Variants in SORCS3 observed in about 807,000 individuals in gnomAD.
SORCS3 encodes sortilin related VPS10 domain containing receptor 3, also known as VPS10 domain-containing receptor SorCS3.
Under a neutral mutation model 146.3 loss-of-function variants are expected in SORCS3, and 57 were observed. That is an observed-to-expected ratio of 0.39 (90% confidence interval 0.31 to 0.49). SORCS3 has a LOEUF of 0.49. SORCS3 is among the 20% of genes least tolerant of loss of function. SORCS3 has a pLI of 0.92. For synonymous variants in SORCS3, 653 were observed against 618.5 expected (o/e 1.06, Z -0.83); for missense variants, 1,341 against 1,575.5 (o/e 0.85, Z 2.52).
At chr10:104,921,137 G>C (rs1359520921) in intron 3 of SORCS3, among the ~76,000 whole-genome samples, 2 of 152,166 alleles carry the variant, frequency 1.3e-5, no homozygotes, top group East Asian at 3.9e-4. Context: ...CCTTCCCCTT[G>C]CATGAGATAA....
chr10:105,077,432 A>G (rs1273240743), intron 5 of SORCS3, among the ~76,000 whole-genome samples: 1 of 152,026 alleles, frequency 6.6e-6, no homozygotes, highest in African/African-American at 2.4e-5. Context: ...ATAACTATCC[A>G]GGTGTCATTA....
At chr10:104,870,315 A>G (rs1471138881) in intron 2 of SORCS3, among the ~76,000 whole-genome samples, 1 of 152,232 alleles carries the variant, frequency 6.6e-6, no homozygotes, top group Non-Finnish European at 1.5e-5. Flanking sequence ...TTAGTAAATG[A>G]CAATGAGTAG....
intron 9 of SORCS3, among the ~76,000 whole-genome samples, chr10:105,148,148 T>A (rs1301781718): frequency 2.0e-5 from 3 of 152,114 alleles, no homozygotes; most frequent in African/African-American, 7.2e-5. Flanking sequence ...GTGTTGCTTT[T>A]GTGGACCCTG....
At chr10:105,150,933 A>G (rs1046068538) in intron 9 of SORCS3, among the ~76,000 whole-genome samples, 8 of 152,298 alleles carry the variant, frequency 5.3e-5, no homozygotes, top group Admixed American at 3.9e-4. Flanking sequence ...CTGGACTCCA[A>G]GTGCCCTTGA....
At chr10:104,844,972 C>T (rs1240560773) in intron 2 of SORCS3, among the ~76,000 whole-genome samples, 1 of 152,196 alleles carries the variant, frequency 6.6e-6, no homozygotes, top group East Asian at 1.9e-4. Context: ...GTCTGTTTCT[C>T]TGCATATAAA....
Position 105,086,664 on chromosome 10 carries a change from C to T in SORCS3, c.1029-3111C>T, listed in dbSNP as rs140886552. On this transcript the variant is annotated intron_variant, in intron 5 of 26. Transcript: ENST00000369701. Reference sequence around the variant, plus strand: ...GTATTTATTGACCACAATCAGGCTTCGTCAGTATGGTGCCAATTCTCTGAA... The same window carrying T: ...GTATTTATTGACCACAATCAGGCTTTGTCAGTATGGTGCCAATTCTCTGAA... 3.0e-3 allele frequency among the ~76,000 whole-genome samples: 455 copies of T among 152,268 alleles called. 1 individual carries two copies. The highest frequency in any genetic ancestry group is 5.4e-3 in the Non-Finnish European group (366 of 68,020).
At chr10:105,200,666 T>G (rs1364965282) in intron 15 of SORCS3, among the ~76,000 whole-genome samples, 3 of 152,188 alleles carry the variant, frequency 2.0e-5, no homozygotes, top group Non-Finnish European at 4.4e-5. Context: ...GACTGGGAAT[T>G]AAGATTTGGG....
At chr10:104,800,600 G>A (rs552657420) in intron 1 of SORCS3, among the ~76,000 whole-genome samples, 1 of 152,172 alleles carries the variant, frequency 6.6e-6, no homozygotes, top group South Asian at 2.1e-4. Flanking sequence ...GGGGGTAGAT[G>A]GGATATCTCT....
intron 2 of SORCS3, among the ~76,000 whole-genome samples, chr10:104,909,526 C>T (rs985500710): frequency 3.9e-5 from 6 of 152,030 alleles, no homozygotes; most frequent in Non-Finnish European, 7.4e-5. Context: ...GGTTAATGAT[C>T]CTTAATTTTG....
At chr10:105,213,027 T>G (rs72817798) in intron 17 of SORCS3, among the ~76,000 whole-genome samples, 7,183 of 152,264 alleles carry the variant, frequency 0.047, 297 homozygotes, top group Admixed American at 0.13. Flanking sequence ...TTCCAAAATA[T>G]TATCATTTCA....
At chr10:105,118,993 T>G (rs566255717) in intron 7 of SORCS3, among the ~76,000 whole-genome samples, 1 of 152,072 alleles carries the variant, frequency 6.6e-6, no homozygotes, top group East Asian at 1.9e-4. Flanking sequence ...ATCAAGACAA[T>G]GGGGAAAATG....
chr10:104,710,252 C>T (rs1564664820), intron 1 of SORCS3, among the ~76,000 whole-genome samples: 2 of 152,206 alleles, frequency 1.3e-5, no homozygotes, highest in Non-Finnish European at 2.9e-5. Context: ...AGCTTATCCT[C>T]CTGAGCTTGA....
intron 1 of SORCS3, among the ~76,000 whole-genome samples, chr10:104,840,660 G>A (rs530132023): frequency 6.6e-6 from 1 of 152,332 alleles, no homozygotes; most frequent in African/African-American, 2.4e-5. Flanking sequence ...TCCAAGCTTT[G>A]AGTAAGGAGA....
At chr10:104,681,669 CCCTCA>C (rs1405943513) in intron 1 of SORCS3, among the ~76,000 whole-genome samples, 1 of 152,074 alleles carries the variant, frequency 6.6e-6, no homozygotes, top group Non-Finnish European at 1.5e-5. Flanking sequence ...GCCAGTTGCA[CCCTCA>C]CCTCATTCCT....
At chr10:104,847,777 C>G (rs2018223618) in intron 2 of SORCS3, among the ~76,000 whole-genome samples, 1 of 152,120 alleles carries the variant, frequency 6.6e-6, no homozygotes, top group Admixed American at 6.5e-5. Flanking sequence ...CACCCTTAGC[C>G]TTGCTTTATT....
At chr10:104,815,307 A>T (rs1208035934) in intron 1 of SORCS3, among the ~76,000 whole-genome samples, 2 of 151,984 alleles carry the variant, frequency 1.3e-5, no homozygotes, top group Non-Finnish European at 2.9e-5. Flanking sequence ...TGAAAATACA[A>T]AAGTGGTGGC....
chr10:105,215,868 T>C (rs1391744543), intron 18 of SORCS3, among the ~76,000 whole-genome samples: 1 of 152,120 alleles, frequency 6.6e-6, no homozygotes, highest in African/African-American at 2.4e-5. Flanking sequence ...TCTCTCTTTA[T>C]TCTATCACTC....
At chr10:104,693,189 A>G (rs1270937829) in intron 1 of SORCS3, among the ~76,000 whole-genome samples, 1 of 152,228 alleles carries the variant, frequency 6.6e-6, no homozygotes, top group Non-Finnish European at 1.5e-5. Flanking sequence ...AGGAGAAAGC[A>G]TCAATCTAGT....
At chr10:105,193,460 GA>G (rs746323417) in intron 14 of SORCS3, among the ~76,000 whole-genome samples, 2 of 152,214 alleles carry the variant, frequency 1.3e-5, no homozygotes, top group Middle Eastern at 3.4e-3. Context: ...AGACAAAGAT[GA>G]ATGACTGTAA....
Sources: allele counts gnomAD v4.1 joint callset (sites outside exome capture counted in the v4.1 genomes callset), GRCh38; gene constraint gnomAD v4.1.1; transcripts MANE v1.5; gene names NCBI Gene and HGNC (gene_info 2026-07-23, HGNC 2026-07-21).